The following CHSY1 variants were observed in gnomAD, a reference collection of about 807,000 sequenced individuals.
The protein encoded by CHSY1 is N-acetylgalactosaminyl-proteoglycan 3-beta-glucuronosyltransferase 1.
In CHSY1, 13 loss-of-function variants were observed where a neutral mutation model predicts 59.8. The observed-to-expected ratio is 0.22, with a 90% CI of 0.14 to 0.35. The LOEUF (loss-of-function observed/expected upper bound fraction) is 0.35, where lower values mean the gene tolerates loss of function less well. Among genes scored for constraint, CHSY1 ranks in the 10% least tolerant of loss-of-function variants. CHSY1 has a pLI of 1.00. For missense variants in CHSY1, 947 were observed against 1,030.6 expected (o/e 0.92, Z 1.11); for synonymous variants, 459 against 401.2 (o/e 1.14, Z -1.72).
In CHSY1 at chr15:101,251,039, C is replaced by G. The variant is rs1414006217; in HGVS notation, c.320+98G>C. The G allele has an allele frequency of 6.7e-6, 8 of 1,196,738 alleles. No homozygotes were observed. In the African/African-American group the frequency reaches 1.1e-4, roughly 16 times the overall value. The allele number at this position is 1,196,738 out of a possible 1,614,324, so 74.1% of individuals were successfully genotyped here. On this transcript the variant is annotated intron_variant, in intron 1 of 2. Transcript: ENST00000254190. ...ATCCCGCCGGAAGCCCAAGAAGGGC[C>G]TAGGAAGCGGGCGGAGGCGAGAGCC...
In CHSY1 at chr15:101,176,653, G is replaced by A; in HGVS notation, c.*735C>T. The A allele has an allele frequency of 2.9e-6, 1 of 341,564 alleles. No individual in the cohort carries two copies. Among genetic ancestry groups the A allele is most frequent in the Non-Finnish European group, 5.2e-6 (1 of 191,106 alleles). 21.2% of individuals were successfully genotyped at this position (341,564 alleles called of 1,614,324 possible). On this transcript the variant is annotated 3_prime_UTR_variant, in exon 3 of 3. Coordinates refer to ENST00000254190, the MANE Select transcript of CHSY1 (RefSeq NM_014918.5). Reference sequence around the variant, plus strand: ...TACTAAAAATACAAAAAAACTAGCTGGGCGTGGTGGTGTGTGCCTGTAATC... The same window carrying A: ...TACTAAAAATACAAAAAAACTAGCTAGGCGTGGTGGTGTGTGCCTGTAATC...
At chr15:101,188,145 G>C (rs2038394408) in intron 2 of CHSY1, 1 of 985,324 alleles carries the variant, frequency 1.0e-6, no homozygotes, top group East Asian at 1.1e-4. Context: ...CACTGCTACA[G>C]AGCGACAACT....
chr15:101,188,248 T>C, intron 2 of CHSY1: 4 of 949,484 alleles, frequency 4.2e-6, no homozygotes, highest in Non-Finnish European at 5.0e-6. Flanking sequence ...AAAGTAAGCG[T>C]TGTCTAAATG....
rs771613004 is a variant in CHSY1 at position 101,235,346 on chromosome 15, G to C, written c.552C>G (p.Phe184Leu). 6.2e-7 allele frequency: 1 copy of C among 1,614,188 alleles called. No homozygotes were observed. Among genetic ancestry groups the C allele is most frequent in the South Asian group, 1.1e-5 (1 of 91,080 alleles). The change falls in exon 2 of 3, where the codon TTC (phenylalanine) becomes TTG (leucine). Residue 184 changes from phenylalanine (F) to leucine (L), a missense_variant. Phe to Leu is a conservative substitution (Grantham distance 22). This residue lies in a region of CHSY1 where 108 missense variants were observed against 144.4 expected (regional missense o/e 0.75). Transcript: ENST00000254190. ...VYIKGDRLEN[F>L]LRSLNSSEPL... ...GCTCGCTGCTGTTCAAACTCCTCAG[G>C]AAGTTCTCCAGACGGTCTCCTTTGA... is the stretch of plus-strand genomic sequence containing the variant.
intron 2 of CHSY1, among the ~76,000 whole-genome samples, chr15:101,182,165 A>G (rs1314293582): frequency 6.6e-6 from 1 of 152,170 alleles, no homozygotes. Context: ...TAATATTATG[A>G]CTTTTCTGTT....
intron 2 of CHSY1, among the ~76,000 whole-genome samples, chr15:101,215,394 C>G (rs1038354247): frequency 3.9e-5 from 6 of 152,220 alleles, no homozygotes; most frequent in Non-Finnish European, 8.8e-5. Flanking sequence ...TTAACAGCTA[C>G]TGAGTAAGAC....
At chr15:101,249,767 G>A (rs978165812) in intron 1 of CHSY1, among the ~76,000 whole-genome samples, 65 of 152,186 alleles carry the variant, frequency 4.3e-4, no homozygotes, top group African/African-American at 1.6e-3. Context: ...CGCCCGCCTC[G>A]GCCTCCCAAA....
chr15:101,199,072 G>A (rs961992815), intron 2 of CHSY1, among the ~76,000 whole-genome samples: 4 of 152,182 alleles, frequency 2.6e-5, no homozygotes, highest in African/African-American at 9.7e-5. Flanking sequence ...GCTGCTCCCT[G>A]CTCCCACTGC....
chr15:101,184,380 A>T (rs1294551153), intron 2 of CHSY1, among the ~76,000 whole-genome samples: 1 of 150,504 alleles, frequency 6.6e-6, no homozygotes, highest in African/African-American at 2.4e-5. Context: ...ACATATATAT[A>T]TAATTTTTTT....
intron 2 of CHSY1, among the ~76,000 whole-genome samples, chr15:101,229,639 G>A (rs2038873438): frequency 1.3e-5 from 2 of 152,160 alleles, no homozygotes; most frequent in South Asian, 2.1e-4. Context: ...AGGTACAGTG[G>A]CTCACACTTG....
Position 101,177,200 on chromosome 15 carries a change from A to T in CHSY1, c.*188T>A. ...CAGGTCTGCTACATAATGTTCAGCA[A>T]GAAGATGTGTTCAAAGGCAAACACT... On this transcript the variant is annotated 3_prime_UTR_variant, in exon 3 of 3. Coordinates refer to ENST00000254190, the MANE Select transcript of CHSY1 (RefSeq NM_014918.5). The T allele has an allele frequency of 1.8e-6, 1 of 553,430 alleles. No homozygotes were observed. The highest frequency in any genetic ancestry group is 3.1e-6 in the Non-Finnish European group (1 of 319,650). 34.3% of individuals were successfully genotyped at this position (553,430 alleles called of 1,614,324 possible).
chr15:101,235,326 C>T lies in CHSY1; in HGVS notation c.572G>A (p.Ser191Asn). The part of the protein sequence containing the change: ...LENFLRSLNS[S>N]EPLFLGQTGL... ...TGTCTGCCCAAGAAAGAGGGGCTCGCTGCTGTTCAAACTCCTCAGGAAGTT... is the reference window on the plus strand; with the variant it reads ...TGTCTGCCCAAGAAAGAGGGGCTCGTTGCTGTTCAAACTCCTCAGGAAGTT... The change falls in exon 2 of 3, where the codon AGC becomes AAC. Residue 191 changes from serine to asparagine, a missense_variant. By Grantham distance (46) the Ser-to-Asn change is conservative. This residue lies in a region of CHSY1 where 108 missense variants were observed against 144.4 expected (regional missense o/e 0.75). Transcript: ENST00000254190. The T allele has an allele frequency of 1.2e-6, 2 of 1,614,206 alleles. No homozygotes were observed. Among genetic ancestry groups the T allele is most frequent in the South Asian group, 1.1e-5 (1 of 91,082 alleles).
intron 1 of CHSY1, among the ~76,000 whole-genome samples, chr15:101,243,331 G>A (rs151047104): frequency 3.9e-5 from 6 of 152,284 alleles, no homozygotes; most frequent in South Asian, 2.1e-4. Flanking sequence ...TTTGCATATC[G>A]CTGCTGTATC....
intron 1 of CHSY1, among the ~76,000 whole-genome samples, chr15:101,236,293 T>C (rs1313429210): frequency 6.6e-6 from 1 of 152,154 alleles, no homozygotes; most frequent in Admixed American, 6.5e-5. Flanking sequence ...GCTCCCACAG[T>C]TCCCACATGT....
rs1485553713 is a variant in CHSY1, at chr15:101,176,353, C to T, written c.*1035G>A. 6 of 398,554 alleles carry T rather than the reference C, an allele frequency of 1.5e-5. No homozygotes were observed. The East Asian group carries it at 1.8e-4, about 12-fold the overall frequency. The allele number at this position is 398,554 out of a possible 1,614,324, so 24.7% of individuals were successfully genotyped here. On this transcript the variant is annotated 3_prime_UTR_variant, in exon 3 of 3. Coordinates refer to ENST00000254190, the MANE Select transcript of CHSY1 (RefSeq NM_014918.5). The stretch of plus-strand genomic sequence containing the variant: ...CAAAACCAAATACATTTTTCCCCAA[C>T]GTTTTGATTAGGGTGTATGTGTGTA...
rs372061657 is a variant in CHSY1 at position 101,196,408 on chromosome 15, GGAA to G, written c.817-17431_817-17429del. On this transcript the variant is annotated intron_variant, in intron 2 of 2. Coordinates refer to ENST00000254190, the MANE Select transcript of CHSY1 (RefSeq NM_014918.5). ...ATGTGAAGGCCAGGTGTCAGAAGTG[GGAA>G]GGTTTACGGCATAACCCATGTTTAC... Among the ~76,000 whole-genome samples the G allele has an allele frequency of 4.7e-3, 711 of 152,154 alleles. 2 individuals are homozygous for G. Among genetic ancestry groups the G allele is most frequent in the Admixed American group, 8.3e-3 (127 of 15,284 alleles).
In CHSY1 at chr15:101,212,678, G is replaced by C. The variant is rs572701084; in HGVS notation, c.816+22404C>G. 2.0e-5 allele frequency among the ~76,000 whole-genome samples: 3 copies of C among 152,264 alleles called. No homozygotes were observed. In the South Asian group the frequency reaches 6.2e-4, roughly 32 times the overall value. ...TAATATACATCTTACAAGGAGTCTG[G>C]GTTACTACATGTGTATGCACTTATC... is the stretch of plus-strand genomic sequence containing the variant. On this transcript the variant is annotated intron_variant, in intron 2 of 2. Coordinates refer to ENST00000254190, the MANE Select transcript of CHSY1 (RefSeq NM_014918.5).
At position 101,235,418 on chromosome 15, in the gene CHSY1, G is replaced by A. The variant is rs755444789; in HGVS notation, c.480C>T (p.Tyr160=). 3.1e-6 allele frequency: 5 copies of A among 1,614,156 alleles called. No homozygotes were observed. In the South Asian group the frequency reaches 4.4e-5, roughly 14 times the overall value. The change falls in exon 2 of 3, where the codon TAC becomes TAT. Residue 160 remains tyrosine (Y), a synonymous_variant. Coordinates refer to ENST00000254190, the MANE Select transcript of CHSY1 (RefSeq NM_014918.5). ...TCATAAACCATTCATACTTGTCCAA[G>A]TAGTGGTCGTGCATGTACTTGAGCA... ...FMMLKYMHDH[Y]LDKYEWFMRA... is the part of the protein sequence containing the mutation.
chr15:101,232,452 A>G (rs2038901295), intron 2 of CHSY1, among the ~76,000 whole-genome samples: 1 of 152,266 alleles, frequency 6.6e-6, no homozygotes, highest in African/African-American at 2.4e-5. Flanking sequence ...CAAAGGTCTA[A>G]TAAGATGGCA....
Sources: gnomAD v4.1 joint callset for allele counts (sites outside exome capture counted in the v4.1 genomes callset) on GRCh38, gnomAD v4.1.1 for gene constraint, gnomAD v4.1.1 regional missense constraint, MANE v1.5 for transcripts, NCBI Gene and HGNC (gene_info 2026-07-23, HGNC 2026-07-21) for gene names.